DOCK3: variants seen among roughly 807,000 people sequenced by gnomAD.
The protein encoded by DOCK3 is dedicator of cytokinesis protein 3.
DOCK3 carries 60 observed loss-of-function variants against 265.6 expected under a neutral mutation model. The ratio of observed to expected loss-of-function variants is 0.23; its 90% CI spans 0.18 to 0.28. DOCK3 has a LOEUF of 0.28. Among genes scored for constraint, DOCK3 ranks in the 10% least tolerant of loss-of-function variants. The pLI is 1.00. For missense variants in DOCK3, 1,981 were observed against 2,594.3 expected (o/e 0.76, Z 5.14); for synonymous variants, 881 against 938.0 (o/e 0.94, Z 1.11).
At chr3:51,346,715 C>A (rs927647900) in intron 38 of DOCK3, among the ~76,000 whole-genome samples, 2 of 152,212 alleles carry the variant, frequency 1.3e-5, no homozygotes, top group African/African-American at 4.8e-5. Context: ...AATCTCCACA[C>A]TGTCTTCCAC....
At chr3:50,739,301 C>A (rs1438409603) in intron 1 of DOCK3, among the ~76,000 whole-genome samples, 3 of 152,048 alleles carry the variant, frequency 2.0e-5, no homozygotes, top group African/African-American at 7.2e-5. Context: ...AATGTATCTT[C>A]CCCTTCCTTA....
chr3:50,819,968 A>T (rs1432415538), intron 2 of DOCK3, among the ~76,000 whole-genome samples: 4 of 152,164 alleles, frequency 2.6e-5, no homozygotes, highest in Non-Finnish European at 2.9e-5. Context: ...TCTCAAAATA[A>T]AAAACAACAA....
intron 12 of DOCK3, among the ~76,000 whole-genome samples, chr3:51,189,677 TTGG>T (rs2087824944): frequency 2.6e-5 from 4 of 152,216 alleles, no homozygotes; most frequent in African/African-American, 9.6e-5. Flanking sequence ...GGCACTTAGG[TTGG>T]TTCCATATCT....
rs549902206 is a variant in DOCK3 at position 50,835,338 on chromosome 3, C to A, written c.122-6337C>A. 2.6e-5 allele frequency among the ~76,000 whole-genome samples: 4 copies of A among 152,296 alleles called. No homozygotes were observed. In the South Asian group the frequency reaches 8.3e-4, roughly 32 times the overall value. On this transcript the variant is annotated intron_variant, in intron 2 of 52. Transcript: ENST00000266037. The stretch of plus-strand genomic sequence containing the variant: ...TACTTAAGTCACATGAACTAAAAGG[C>A]ATTGCACTTTTTACTTTTCTGACAA...
intron 9 of DOCK3, among the ~76,000 whole-genome samples, chr3:51,140,213 A>G (rs754557104): frequency 9.9e-5 from 15 of 152,170 alleles, no homozygotes; most frequent in Non-Finnish European, 1.9e-4. Flanking sequence ...CAACAGTATC[A>G]TCAACTCAAA....
chr3:51,064,665 A>G, intron 6 of DOCK3, 69 bp downstream of exon 6: 1 of 1,561,968 alleles, frequency 6.4e-7, no homozygotes, highest in Non-Finnish European at 8.7e-7. Context: ...GGGAGTTTGC[A>G]CCTATACAAA....
chr3:50,724,649 A>G (rs1295725002), intron 1 of DOCK3, among the ~76,000 whole-genome samples: 1 of 151,404 alleles, frequency 6.6e-6, no homozygotes, highest in Non-Finnish European at 1.5e-5. Context: ...TAACACATGG[A>G]CACGGGGAGG....
intron 1 of DOCK3, among the ~76,000 whole-genome samples, chr3:50,763,370 T>G (rs1000122208): frequency 2.6e-5 from 4 of 152,072 alleles, no homozygotes; most frequent in Non-Finnish European, 4.4e-5. Flanking sequence ...CAACTTCTGC[T>G]TCCCGGGTTC....
At chr3:50,840,850 T>G in intron 2 of DOCK3, among the ~76,000 whole-genome samples, 1 of 152,236 alleles carries the variant, frequency 6.6e-6, no homozygotes, top group East Asian at 1.9e-4. Context: ...CTTTTGTTGT[T>G]TGTTATGTTT....
At chr3:51,116,230 T>C (rs1158666312) in intron 9 of DOCK3, among the ~76,000 whole-genome samples, 1 of 151,994 alleles carries the variant, frequency 6.6e-6, no homozygotes, top group East Asian at 1.9e-4. Flanking sequence ...GGTGGGCAGA[T>C]CATGATGTCA....
chr3:50,933,865 C>A, intron 4 of DOCK3, 116 bp from the exon 5 acceptor site: 1 of 626,546 alleles, frequency 1.6e-6, no homozygotes, highest in South Asian at 2.8e-5. Flanking sequence ...AGATATACTT[C>A]TTTTTTATTT....
chr3:51,035,848 A>G (rs1003873705), intron 5 of DOCK3, among the ~76,000 whole-genome samples: 1 of 152,166 alleles, frequency 6.6e-6, no homozygotes, highest in Non-Finnish European at 1.5e-5. Flanking sequence ...CTGTGCATGC[A>G]TAACTCAGAA....
In DOCK3 at chr3:51,359,343, C is replaced by T. The variant is rs1471456463; in HGVS notation, c.4885-1168C>T. 1.3e-5 allele frequency among the ~76,000 whole-genome samples: 2 copies of T among 152,224 alleles called. No individual in the cohort carries two copies. The highest frequency in any genetic ancestry group is 4.8e-5 in the African/African-American group (2 of 41,450). ...TGTTGTAGTTTGAGAGGTAGGGGCA[C>T]ATTTTCCAGAGGAAAGCCTGGAGAT... is the stretch of plus-strand genomic sequence containing the variant. On this transcript the variant is annotated intron_variant, in intron 46 of 52. Transcript: ENST00000266037. This position sits in a 1 kb window ranked among gnomAD's most constrained non-coding sequence, Gnocchi z 4.8.
chr3:50,749,334 G>A (rs1183321469), intron 1 of DOCK3, among the ~76,000 whole-genome samples: 3 of 152,166 alleles, frequency 2.0e-5, no homozygotes, highest in African/African-American at 7.2e-5. Context: ...AGTGTATAGT[G>A]TGGCACAGGA....
intron 4 of DOCK3, among the ~76,000 whole-genome samples, chr3:50,893,508 C>T (rs1366319352): frequency 6.6e-6 from 1 of 151,992 alleles, no homozygotes; most frequent in East Asian, 1.9e-4. Context: ...ACTTCAACAG[C>T]ATTCTTGATC....
intron 4 of DOCK3, among the ~76,000 whole-genome samples, chr3:50,918,260 G>A (rs566192802): frequency 3.3e-5 from 5 of 152,118 alleles, no homozygotes; most frequent in Middle Eastern, 3.4e-3. Flanking sequence ...TTTATAATCC[G>A]TTGGATATAT....
chr3:51,318,216 T>G (rs946828925), intron 32 of DOCK3, among the ~76,000 whole-genome samples: 5 of 152,074 alleles, frequency 3.3e-5, no homozygotes, highest in African/African-American at 1.2e-4. Context: ...CCATCTCTAC[T>G]AAAAACATAA....
intron 2 of DOCK3, among the ~76,000 whole-genome samples, chr3:50,800,070 G>T (rs1350069234): frequency 6.6e-6 from 1 of 152,088 alleles, no homozygotes; most frequent in African/African-American, 2.4e-5. Context: ...TTATCTTTTT[G>T]ATATGTTGTT....
chr3:50,789,057 TC>T (rs1236960126), intron 2 of DOCK3, among the ~76,000 whole-genome samples: 1 of 152,240 alleles, frequency 6.6e-6, no homozygotes, highest in Non-Finnish European at 1.5e-5. Context: ...TTTCTCTAGT[TC>T]CTTGAGGTGT....
Sources: gnomAD v4.1 joint callset for allele counts (sites outside exome capture counted in the v4.1 genomes callset) on GRCh38, gnomAD v4.1.1 for gene constraint, Gnocchi (gnomAD v3.1) non-coding constraint, MANE v1.5 for transcripts, NCBI Gene and HGNC (gene_info 2026-07-23, HGNC 2026-07-21) for gene names.